Variants in DOCK11 observed in about 807,000 individuals in gnomAD.
The protein encoded by DOCK11 is dedicator of cytokinesis protein 11.
In DOCK11, 70 loss-of-function variants were observed where a neutral mutation model predicts 169.1. That is an observed-to-expected ratio of 0.41 (90% CI 0.34 to 0.51). DOCK11 has a LOEUF of 0.51. Ranked by LOEUF, DOCK11 falls within the 20% of genes least tolerant of loss-of-function variation. The pLI is 0.10. For synonymous variants in DOCK11, 529 were observed against 541.3 expected, an observed-to-expected ratio of 0.98 and a Z score of 0.32; for missense variants, 1,166 against 1,538.8, an observed-to-expected ratio of 0.76 and a Z score of 4.05.
chrX:118,516,016 T>TATATATATATATATATATATATAC (rs2057681888), intron 1 of DOCK11, among the ~76,000 whole-genome samples: 1 of 84,528 alleles, frequency 1.2e-5, no homozygotes, highest in South Asian at 5.6e-4. Context: ...TATATATATA[T>TATATATATATATATATATATATAC]ATACATTCTT....
chrX:118,512,052 T>A (rs946792275), intron 1 of DOCK11, among the ~76,000 whole-genome samples: 1 of 112,142 alleles, frequency 8.9e-6, no homozygotes, highest in Non-Finnish European at 1.9e-5. Flanking sequence ...TAGCTGGGAC[T>A]ACAGGCGCAC....
At chrX:118,515,640 G>T (rs2057678072) in intron 1 of DOCK11, among the ~76,000 whole-genome samples, 1 of 110,764 alleles carries the variant, frequency 9.0e-6, no homozygotes, top group Non-Finnish European at 1.9e-5. Flanking sequence ...TTCAGTCTGT[G>T]TGTTCTTAGG....
At chrX:118,506,678 A>G (rs1398240124) in intron 1 of DOCK11, among the ~76,000 whole-genome samples, 2 of 112,140 alleles carry the variant, frequency 1.8e-5, no homozygotes, top group East Asian at 2.8e-4. Context: ...AAAAAATTAT[A>G]TTTTGGAAAC....
chrX:118,500,301 GTC>G (rs1162088496), intron 1 of DOCK11, among the ~76,000 whole-genome samples: 1 of 111,130 alleles, frequency 9.0e-6, no homozygotes, highest in Non-Finnish European at 1.9e-5. Flanking sequence ...GCCCGCCTCG[GTC>G]TCTCAAAGTG....
rs138297880 is a variant in DOCK11 at position 118,559,116 on chromosome X, G to A, written c.559-2267G>A. On this transcript the variant is annotated intron_variant, in intron 6 of 52. Coordinates refer to ENST00000276202, the MANE Select transcript of DOCK11 (RefSeq NM_144658.4). ...GCAATGTTAGAGGAAGTGATTTGCT[G>A]TAATTTCATATCCCTTTCCATGTCC... 2.7e-5 allele frequency among the ~76,000 whole-genome samples: 3 copies of A among 112,253 alleles called. No individual in the cohort carries two copies. In the East Asian group the frequency reaches 8.3e-4, roughly 31 times the overall value.
intron 7 of DOCK11, among the ~76,000 whole-genome samples, chrX:118,562,166 A>G (rs2012933463): frequency 1.0e-5 from 1 of 98,364 alleles, no homozygotes; most frequent in Non-Finnish European, 2.0e-5. Context: ...ACTCCATCAC[A>G]AAAAAAAAAA....
Position 118,654,617 on chromosome X carries a change from G to A in DOCK11, c.4711G>A (p.Ala1571Thr), listed in dbSNP as rs139362247. The A allele has an allele frequency of 3.7e-4, 447 of 1,208,577 alleles. 1 individual carries two copies. Among genetic ancestry groups the A allele is most frequent in the South Asian group, 1.5e-3 (86 of 56,683 alleles). The change falls in exon 43 of 53, where the codon GCA (alanine) becomes ACA (threonine). Residue 1571 changes from alanine (A) to threonine (T), a missense_variant. Coordinates refer to ENST00000276202, the MANE Select transcript of DOCK11 (RefSeq NM_144658.4). ...DRPMKATAFP[A>T]EVKDLTKRIR... Reference sequence around the variant, plus strand: ...TTGAAATTAGGCAACTGCCTTTCCCGCAGAAGTCAAAGACTTGACCAAGAG... The same window carrying A: ...TTGAAATTAGGCAACTGCCTTTCCCACAGAAGTCAAAGACTTGACCAAGAG...
chrX:118,628,440 C>G (rs1332559235), intron 34 of DOCK11, among the ~76,000 whole-genome samples, 168 bp downstream of exon 34: 1 of 112,246 alleles, frequency 8.9e-6, no homozygotes, highest in Non-Finnish European at 1.9e-5. Flanking sequence ...GTGGCAGCTG[C>G]TACTTCAATG....
Position 118,654,814 on chromosome X carries a change from A to G in DOCK11, c.4908A>G (p.Ser1636=), listed in dbSNP as rs1318854883. 1.7e-6 allele frequency: 2 copies of G among 1,211,294 alleles called. No individual in the cohort carries two copies. Among genetic ancestry groups the G allele is most frequent in the African/African-American group, 3.5e-5 (2 of 57,780 alleles). ...AKIHVKNGDF[S]EAAMCYVHVA... The stretch of plus-strand genomic sequence containing the variant: ...TTCATGTAAAAAATGGAGATTTTTC[A>G]GAGGTGACTACTTAAAGTTTTGTTC... The change falls in exon 43 of 53, where the codon TCA becomes TCG. Residue 1636 remains serine (S), a synonymous_variant. Coordinates refer to ENST00000276202, the MANE Select transcript of DOCK11 (RefSeq NM_144658.4).
intron 40 of DOCK11, among the ~76,000 whole-genome samples, chrX:118,646,672 C>T (rs905391184): frequency 3.1e-4 from 35 of 111,551 alleles, no homozygotes; most frequent in Non-Finnish European, 5.8e-4. Flanking sequence ...GCTATGATCT[C>T]CCTTAAATGT....
chrX:118,539,240 GGTAAGCT>G (rs2011871129), intron 1 of DOCK11, among the ~76,000 whole-genome samples: 1 of 112,162 alleles, frequency 8.9e-6, no homozygotes, highest in South Asian at 3.6e-4. Context: ...CAAAACATGT[GGTAAGCT>G]GTGTTTCATT....
In DOCK11 at chrX:118,649,206, A is replaced by G. The variant is rs1281730269; in HGVS notation, c.4581+79A>G. 8 of 829,648 alleles carry G rather than the reference A, an allele frequency of 9.6e-6. No homozygotes were observed. The Admixed American group carries it at 2.8e-4, about 29-fold the overall frequency. The allele number at this position is 829,648 out of a possible 1,213,427, so 68.4% of individuals were successfully genotyped here. A position where few individuals can be genotyped will look rare whatever the true frequency, so the allele number is the denominator to read the frequency against. On this transcript the variant is annotated intron_variant, in intron 41 of 52. Coordinates refer to ENST00000276202, the MANE Select transcript of DOCK11 (RefSeq NM_144658.4). Reference sequence around the variant, plus strand: ...CTAGATCAAGATCCAGAGCCACCCAATCCAGTCCAATACAATGTGGCCATC... The same window carrying G: ...CTAGATCAAGATCCAGAGCCACCCAGTCCAGTCCAATACAATGTGGCCATC...
rs1556269491 is a variant in DOCK11, at chrX:118,546,210, C to CAAAAAAAAAAAAAA, written c.558+102_558+115dup. 150 of 49,284 alleles carry CAAAAAAAAAAAAAA rather than the reference C, an allele frequency of 3.0e-3. 11 individuals carry two copies. The highest frequency in any genetic ancestry group is 0.011 in the African/African-American group (122 of 11,396). The allele number at this position is 49,284 out of a possible 1,213,427, so 4.1% of individuals were successfully genotyped here. A position where few individuals can be genotyped will look rare whatever the true frequency, so the allele number is the denominator to read the frequency against. On this transcript the variant is annotated intron_variant, in intron 6 of 52. Transcript: ENST00000276202. ...ATATTTATTTTACAAAGAGCCCTAG[C>CAAAAAAAAAAAAAA]AAAAAAAAAAAAAAAAAAAAAGGAG...
At chrX:118,617,215 G>C (rs1008666586) in intron 30 of DOCK11, among the ~76,000 whole-genome samples, 1 of 111,690 alleles carries the variant, frequency 9.0e-6, no homozygotes, top group African/African-American at 3.3e-5. Context: ...AACTTGGCTG[G>C]GCGCGATGGC....
chrX:118,558,070 G>A (rs1272370808), intron 6 of DOCK11, among the ~76,000 whole-genome samples: 1 of 105,974 alleles, frequency 9.4e-6, no homozygotes, highest in Non-Finnish European at 1.9e-5. Flanking sequence ...CGCCTCCCGG[G>A]TACAAGTAAT....
chrX:118,578,420 G>T (rs756533038), intron 12 of DOCK11, 105 bp from the exon 13 acceptor site: 2 of 922,268 alleles, frequency 2.2e-6, no homozygotes, highest in Non-Finnish European at 3.1e-6. Flanking sequence ...TCCTGGACAT[G>T]ATCCTTTGTT....
intron 29 of DOCK11, 71 bp from the exon 30 acceptor site, chrX:118,615,529 C>A: frequency 2.4e-6 from 2 of 835,718 alleles, no homozygotes; most frequent in Non-Finnish European, 3.5e-6. Context: ...AAAAATAATG[C>A]GCTGTATTAA....
intron 1 of DOCK11, among the ~76,000 whole-genome samples, chrX:118,540,057 A>C (rs1603043417): frequency 5.8e-5 from 1 of 17,126 alleles, no homozygotes; most frequent in Non-Finnish European, 1.2e-4. Flanking sequence ...ATCTCAAAAA[A>C]AAAAAAAAAA....
rs946948691 is a variant in DOCK11 at position 118,596,320 on chromosome X, G to A, written c.2264-1111G>A. 8.0e-5 allele frequency among the ~76,000 whole-genome samples: 9 copies of A among 111,915 alleles called. No homozygotes were observed. In the South Asian group the frequency reaches 1.1e-3, roughly 14 times the overall value. On this transcript the variant is annotated intron_variant, in intron 20 of 52. Transcript: ENST00000276202. Reference sequence around the variant, plus strand: ...TAAAGATGCCCGTCAGGCACATTTCGGAGTCTGAGAAAGCCATTTAGTCTA... The same window carrying A: ...TAAAGATGCCCGTCAGGCACATTTCAGAGTCTGAGAAAGCCATTTAGTCTA...
Sources: allele counts gnomAD v4.1 joint callset (sites outside exome capture counted in the v4.1 genomes callset), GRCh38; gene constraint gnomAD v4.1.1; transcripts MANE v1.5; gene names NCBI Gene and HGNC (gene_info 2026-07-23, HGNC 2026-07-21).